Variants in KIAA1217 observed in about 807,000 individuals in gnomAD.
KIAA1217 encodes the protein sickle tail protein homolog.
In KIAA1217, 88 loss-of-function variants were observed where a neutral mutation model predicts 163.9. That is an observed-to-expected ratio of 0.54 (90% CI 0.45 to 0.64). The LOEUF is 0.64. KIAA1217 is among the 30% of genes least tolerant of loss of function. KIAA1217 has a pLI of 0.00. For missense variants in KIAA1217, 2,372 were observed against 2,475.0 expected (o/e 0.96, Z 0.88); for synonymous variants, 903 against 923.1 (o/e 0.98, Z 0.39).
At chr10:24,428,305 A>G (rs1367417953) in intron 3 of KIAA1217, among the ~76,000 whole-genome samples, 1 of 152,224 alleles carries the variant, frequency 6.6e-6, no homozygotes, top group African/African-American at 2.4e-5. Flanking sequence ...CGTGGGGCCA[A>G]GACATTGCGT....
rs1475663411 is a variant in KIAA1217 at position 24,260,585 on chromosome 10, A to C, written c.354+40676A>C. ...GGCAACTTTGTGAGACCTCATCTCT[A>C]CAAAAAAAAAAAAAAAAAAAAAGCC... is the stretch of plus-strand genomic sequence containing the variant. On this transcript the variant is annotated intron_variant, in intron 2 of 20. Coordinates refer to ENST00000376454, the MANE Select transcript of KIAA1217 (RefSeq NM_019590.5). Among the ~76,000 whole-genome samples the C allele has an allele frequency of 2.8e-5, 3 of 106,486 alleles. No homozygotes were observed. The South Asian group carries it at 1.1e-3, about 38-fold the overall frequency. 69.9% of individuals were successfully genotyped at this position (106,486 alleles called of 152,430 possible).
intron 1 of KIAA1217, among the ~76,000 whole-genome samples, chr10:23,993,552 G>GTTTTTTTTT (rs1564594837): frequency 2.5e-5 from 1 of 39,438 alleles, no homozygotes; most frequent in Non-Finnish European, 4.9e-5. Flanking sequence ...CCATAGCCCA[G>GTTTTTTTTT]CTTTTTTTTT....
At chr10:24,090,414 A>T (rs2061894445) in intron 2 of KIAA1217, among the ~76,000 whole-genome samples, 1 of 136,020 alleles carries the variant, frequency 7.4e-6, no homozygotes, top group Non-Finnish European at 1.5e-5. Context: ...TCCCGGCCTC[A>T]AGCAGTCCTC....
chr10:24,155,586 C>T (rs1045528801), intron 2 of KIAA1217, among the ~76,000 whole-genome samples: 9 of 152,086 alleles, frequency 5.9e-5, no homozygotes, highest in Admixed American at 3.3e-4. Flanking sequence ...TTTAGGAGGC[C>T]GAGGTGGGCG....
intron 2 of KIAA1217, among the ~76,000 whole-genome samples, chr10:24,244,820 C>T (rs909736709): frequency 6.6e-6 from 1 of 152,092 alleles, no homozygotes; most frequent in African/African-American, 2.4e-5. Flanking sequence ...CTGCCTCATC[C>T]TCTCAAAGTG....
At chr10:23,739,533 G>T (rs1838991769) in intron 1 of KIAA1217, among the ~76,000 whole-genome samples, 1 of 152,218 alleles carries the variant, frequency 6.6e-6, no homozygotes, top group African/African-American at 2.4e-5. Context: ...GAACAAGCGA[G>T]GGAGGGTGAG....
intron 2 of KIAA1217, chr10:24,157,770 G>A (rs2064943927): frequency 5.6e-6 from 2 of 354,234 alleles, no homozygotes; most frequent in Admixed American, 4.4e-5. Flanking sequence ...TGTTGGTGAT[G>A]AAGTAGAGCA....
At chr10:23,873,297 T>C (rs1840545472) in intron 1 of KIAA1217, among the ~76,000 whole-genome samples, 1 of 152,084 alleles carries the variant, frequency 6.6e-6, no homozygotes, top group Non-Finnish European at 1.5e-5. Flanking sequence ...TGGTATATCC[T>C]TTAAAAAGGA....
intron 2 of KIAA1217, among the ~76,000 whole-genome samples, chr10:24,322,045 T>G (rs2044230907): frequency 6.6e-6 from 1 of 152,088 alleles, no homozygotes. Flanking sequence ...ACCTCCCAGG[T>G]TCACGCGATT....
chr10:23,793,342 G>A (rs9731199), intron 1 of KIAA1217, among the ~76,000 whole-genome samples: 29,698 of 152,048 alleles, frequency 0.2, 3,024 homozygotes, highest in Middle Eastern at 0.27. Context: ...GCACGTCCCC[G>A]GTGCGTTCTG....
At chr10:24,280,798 A>C in intron 2 of KIAA1217, among the ~76,000 whole-genome samples, 1 of 146,322 alleles carries the variant, frequency 6.8e-6, no homozygotes, top group East Asian at 2.0e-4. Flanking sequence ...CAACAGAGCG[A>C]GACTCCGTCT....
chr10:23,750,524 G>A (rs1839679808), intron 1 of KIAA1217, among the ~76,000 whole-genome samples: 1 of 152,084 alleles, frequency 6.6e-6, no homozygotes, highest in Admixed American at 6.5e-5. Context: ...TCTCCTTTGT[G>A]TTCTCACATG....
chr10:23,972,027 T>C (rs947288970), intron 1 of KIAA1217, among the ~76,000 whole-genome samples: 3 of 152,212 alleles, frequency 2.0e-5, no homozygotes, highest in African/African-American at 7.2e-5. Context: ...CCAATGAATA[T>C]CTAACATTTA....
intron 1 of KIAA1217, among the ~76,000 whole-genome samples, chr10:23,827,901 G>T (rs1434865185): frequency 6.6e-6 from 1 of 152,190 alleles, no homozygotes; most frequent in East Asian, 1.9e-4. Flanking sequence ...CCTCTAGGTG[G>T]TCTTAAAGGA....
intron 2 of KIAA1217, among the ~76,000 whole-genome samples, chr10:24,189,410 A>G (rs981929327): frequency 8.5e-5 from 13 of 152,206 alleles, no homozygotes; most frequent in African/African-American, 2.9e-4. Context: ...GCCTTGGTAT[A>G]GAACTCTACA....
intron 2 of KIAA1217, among the ~76,000 whole-genome samples, chr10:24,360,314 C>G (rs1409609632): frequency 1.3e-5 from 2 of 152,236 alleles, no homozygotes; most frequent in Middle Eastern, 3.4e-3. Flanking sequence ...TCCCAAAGTG[C>G]TGGGATCCTG....
chr10:24,402,340 A>G (rs2056626669), intron 3 of KIAA1217, among the ~76,000 whole-genome samples: 1 of 151,868 alleles, frequency 6.6e-6, no homozygotes, highest in South Asian at 2.1e-4. Flanking sequence ...CCCTGTCTCT[A>G]CTAAAAAATA....
chr10:23,858,980 AG>A (rs1839834280), intron 1 of KIAA1217, among the ~76,000 whole-genome samples: 1 of 152,216 alleles, frequency 6.6e-6, no homozygotes, highest in African/African-American at 2.4e-5. Context: ...GAGTTTCAGA[AG>A]ATAAAATGCA....
chr10:24,309,485 C>T (rs1174765193), intron 2 of KIAA1217, among the ~76,000 whole-genome samples: 3 of 152,160 alleles, frequency 2.0e-5, no homozygotes, highest in African/African-American at 7.2e-5. Flanking sequence ...AAGTGAACCC[C>T]TTTAACCTTT....
Sources: gnomAD v4.1 joint callset for allele counts (sites outside exome capture counted in the v4.1 genomes callset) on GRCh38, gnomAD v4.1.1 for gene constraint, MANE v1.5 for transcripts, NCBI Gene and HGNC (gene_info 2026-07-23, HGNC 2026-07-21) for gene names.